The following NEK6 variants were observed in gnomAD, a reference collection of about 807,000 sequenced individuals.
NEK6 encodes the protein NIMA related kinase 6.
NEK6 carries 27 observed loss-of-function variants against 43.5 expected under a neutral mutation model. That is an observed-to-expected ratio of 0.62 (90% CI 0.46 to 0.86). NEK6 has a LOEUF of 0.86. Ranked by LOEUF, NEK6 falls within the 40% of genes least tolerant of loss-of-function variation. The pLI, the probability that NEK6 is intolerant of heterozygous loss-of-function variation, is 0.00. For synonymous variants in NEK6, 167 were observed against 164.1 expected (o/e 1.02, Z -0.14); for missense variants, 318 against 414.4 (o/e 0.77, Z 2.02).
intron 2 of NEK6, among the ~76,000 whole-genome samples, chr9:124,312,261 G>C (rs191128530): frequency 4.6e-5 from 7 of 152,362 alleles, no homozygotes; most frequent in Admixed American, 4.6e-4. Context: ...TGAAGGTGGT[G>C]ATGAGGGCAG....
At chr9:124,310,104 T>TA (rs1445239044) in intron 2 of NEK6, among the ~76,000 whole-genome samples, 1 of 152,176 alleles carries the variant, frequency 6.6e-6, no homozygotes, top group African/African-American at 2.4e-5. Flanking sequence ...GCCCACCCGA[T>TA]ACGGAGCAAG....
intron 2 of NEK6, among the ~76,000 whole-genome samples, chr9:124,310,107 G>A (rs1053915988): frequency 2.6e-5 from 4 of 152,184 alleles, no homozygotes; most frequent in Admixed American, 6.5e-5. Flanking sequence ...CACCCGATAC[G>A]GAGCAAGAGC....
intron 7 of NEK6, among the ~76,000 whole-genome samples, chr9:124,338,515 T>C (rs1215186580): frequency 2.6e-5 from 4 of 152,280 alleles, no homozygotes; most frequent in Non-Finnish European, 5.9e-5. Context: ...AGTCTGTGAC[T>C]TGCCTTTAAC....
At chr9:124,302,856 C>T (rs1245253759) in intron 2 of NEK6, among the ~76,000 whole-genome samples, 1 of 152,268 alleles carries the variant, frequency 6.6e-6, no homozygotes, top group East Asian at 1.9e-4. Flanking sequence ...GAGAGCTCCC[C>T]TGGAGCAGGG....
At chr9:124,308,063 A>G (rs1321354873) in intron 2 of NEK6, among the ~76,000 whole-genome samples, 1 of 152,160 alleles carries the variant, frequency 6.6e-6, no homozygotes, top group African/African-American at 2.4e-5. Context: ...AAGGGCTTGC[A>G]TTTGCTTATC....
rs1447473745 is a variant in NEK6 at position 124,351,166 on chromosome 9, CT to C, written c.*222del. On this transcript the variant is annotated 3_prime_UTR_variant, in exon 10 of 10. Transcript: ENST00000320246. ...TGATGGTCAGATTCCAAAGTCCTTT[CT>C]TTATACTGTTGTGGACAATCTCAGC... is the stretch of plus-strand genomic sequence containing the variant. 5.9e-6 allele frequency: 3 copies of C among 505,206 alleles called. No individual in the cohort carries two copies. The highest frequency in any genetic ancestry group is 5.8e-5 in the African/African-American group (3 of 51,564). 31.3% of individuals were successfully genotyped at this position (505,206 alleles called of 1,614,324 possible). A position where few individuals can be genotyped will look rare whatever the true frequency, so the allele number is the denominator to read the frequency against.
At chr9:124,280,097 C>T (rs1314318691) in intron 1 of NEK6, among the ~76,000 whole-genome samples, 2 of 152,256 alleles carry the variant, frequency 1.3e-5, no homozygotes. Context: ...GCTGGGGCCT[C>T]TCTCACTGAC....
intron 7 of NEK6, among the ~76,000 whole-genome samples, chr9:124,328,340 C>T (rs1400375326): frequency 2.0e-5 from 3 of 152,152 alleles, no homozygotes; most frequent in South Asian, 2.1e-4. Flanking sequence ...GGTTTCACCA[C>T]GCCCATCTGT....
chr9:124,273,112 G>A (rs755436296), intron 1 of NEK6, among the ~76,000 whole-genome samples: 6 of 152,276 alleles, frequency 3.9e-5, no homozygotes, highest in Non-Finnish European at 8.8e-5. Flanking sequence ...CCAGGATTGC[G>A]TTGACTCCTT....
rs1177919611 is a variant in NEK6 at position 124,343,676 on chromosome 9, C to G, written c.717+4011C>G. 6.6e-6 allele frequency among the ~76,000 whole-genome samples: 1 copy of G among 152,240 alleles called. No individual in the cohort carries two copies. The highest frequency in any genetic ancestry group is 1.5e-5 in the Non-Finnish European group (1 of 68,046). ...CGCCCGGAGCCTCCCGCCCCACAGC[C>G]TGTGGTGTCTTCCAGGGGCACCAGC... On this transcript the variant is annotated intron_variant, in intron 8 of 9. Coordinates refer to ENST00000320246, the MANE Select transcript of NEK6 (RefSeq NM_014397.6). This position sits in a 1 kb window ranked among gnomAD's most constrained non-coding sequence, Gnocchi z 5.1.
intron 1 of NEK6, among the ~76,000 whole-genome samples, chr9:124,289,233 A>T (rs1396196255): frequency 2.4e-5 from 2 of 82,960 alleles, no homozygotes; most frequent in East Asian, 8.3e-4. Context: ...ACACACACAC[A>T]CACACTCCAT....
At chr9:124,274,338 G>A (rs1588444613) in intron 1 of NEK6, among the ~76,000 whole-genome samples, 1 of 152,284 alleles carries the variant, frequency 6.6e-6, no homozygotes, top group Admixed American at 6.5e-5. Flanking sequence ...AAGAAGGGAA[G>A]GAGGGACCCA....
chr9:124,301,654 C>T (rs1832983032), intron 1 of NEK6, among the ~76,000 whole-genome samples: 1 of 152,200 alleles, frequency 6.6e-6, no homozygotes. Context: ...AATCCGGTGT[C>T]TTCCTTCCTG....
rs1301879881 is a variant in NEK6 at position 124,275,287 on chromosome 9, A to G, written c.-30+17202A>G. On this transcript the variant is annotated intron_variant, in intron 1 of 9. Coordinates refer to ENST00000320246, the MANE Select transcript of NEK6 (RefSeq NM_014397.6). The surrounding 1 kb of genome is among the most constrained non-coding windows in gnomAD (Gnocchi z 4.4). Reference sequence around the variant, plus strand: ...TATTTAAACCAGGGCCATTTCATCCACGTCACTAACTTGCCGGATGTCTTT... The same window carrying G: ...TATTTAAACCAGGGCCATTTCATCCGCGTCACTAACTTGCCGGATGTCTTT... 6.6e-6 allele frequency among the ~76,000 whole-genome samples: 1 copy of G among 152,238 alleles called. No homozygotes were observed. The highest frequency in any genetic ancestry group is 1.5e-5 in the Non-Finnish European group (1 of 68,036).
intron 9 of NEK6, among the ~76,000 whole-genome samples, chr9:124,348,962 A>T (rs1830109620): frequency 6.6e-6 from 1 of 152,252 alleles, no homozygotes; most frequent in African/African-American, 2.4e-5. Context: ...TCTTGATGGC[A>T]TGTCTTTGGT....
chr9:124,331,445 C>T (rs1828994822), intron 7 of NEK6, among the ~76,000 whole-genome samples: 1 of 152,026 alleles, frequency 6.6e-6, no homozygotes, highest in Non-Finnish European at 1.5e-5. Context: ...TTGAAGAGCC[C>T]TTCTCGAGGC....
chr9:124,333,855 A>G (rs761371194), intron 7 of NEK6, among the ~76,000 whole-genome samples: 2 of 142,636 alleles, frequency 1.4e-5, no homozygotes, highest in South Asian at 2.2e-4. Flanking sequence ...TCGGCTCACT[A>G]CAACCTTCAC....
intron 7 of NEK6, among the ~76,000 whole-genome samples, chr9:124,335,564 T>A (rs1452066569): frequency 6.6e-6 from 1 of 152,332 alleles, no homozygotes; most frequent in Non-Finnish European, 1.5e-5. Flanking sequence ...AAATGAGCAG[T>A]GTGTTCAGCT....
chr9:124,270,554 C>A (rs1449619043), intron 1 of NEK6, among the ~76,000 whole-genome samples: 1 of 152,086 alleles, frequency 6.6e-6, no homozygotes, highest in Non-Finnish European at 1.5e-5. Context: ...TTTTCCTTTC[C>A]TTTGCAATCT....
Sources: allele counts gnomAD v4.1 joint callset (sites outside exome capture counted in the v4.1 genomes callset), GRCh38; gene constraint gnomAD v4.1.1; non-coding constraint Gnocchi (gnomAD v3.1); transcripts MANE v1.5; gene names NCBI Gene and HGNC (gene_info 2026-07-23, HGNC 2026-07-21).